RP1: variants seen among roughly 807,000 people sequenced by gnomAD.
The protein encoded by RP1 is oxygen-regulated protein 1.
In RP1, 16 loss-of-function variants were observed where a neutral mutation model predicts 14.8. The observed-to-expected ratio is 1.08, with a 90% confidence interval of 0.73 to 1.65. RP1 has a LOEUF of 1.65. Among genes scored for constraint, RP1 ranks in the 40% most tolerant of loss-of-function variants. The pLI, the probability that RP1 is intolerant of heterozygous loss-of-function variation, is 0.00. For synonymous variants in RP1, 876 were observed against 883.6 expected (o/e 0.99, Z 0.15); for missense variants, 2,631 against 2,535.0 (o/e 1.04, Z -0.81).
At chr8:54,689,958 A>C (rs1434317693) in intron 12 of RP1, among the ~76,000 whole-genome samples, 2 of 151,952 alleles carry the variant, frequency 1.3e-5, no homozygotes, top group African/African-American at 4.8e-5. Flanking sequence ...AGCTTCTTAA[A>C]TCTTCTTTGC....
downstream of RP1, among the ~76,000 whole-genome samples, chr8:54,633,340 C>G (rs1448038600): frequency 2.0e-5 from 3 of 152,100 alleles, no homozygotes; most frequent in African/African-American, 7.2e-5. Flanking sequence ...CTAATTCAAG[C>G]TGAAACTAAG....
intron 22 of RP1, among the ~76,000 whole-genome samples, chr8:54,768,208 C>T (rs1809812658): frequency 6.6e-6 from 1 of 152,214 alleles, no homozygotes; most frequent in African/African-American, 2.4e-5. Context: ...CCATCCTGAC[C>T]TACTTATTGT....
chr8:54,770,575 G>A (rs1025343400), downstream of RP1, among the ~76,000 whole-genome samples: 2 of 145,390 alleles, frequency 1.4e-5, no homozygotes, highest in African/African-American at 5.1e-5. Flanking sequence ...TTGAGATAAC[G>A]TAAAAGAAAT....
intron 27 of RP1, among the ~76,000 whole-genome samples, chr8:54,862,719 C>T (rs1251708368): frequency 6.6e-6 from 1 of 152,024 alleles, no homozygotes; most frequent in African/African-American, 2.4e-5. Flanking sequence ...CGGAAAGTCC[C>T]CTGCAACACT....
chr8:54,707,894 G>A (rs1483825267), intron 15 of RP1, among the ~76,000 whole-genome samples: 3 of 152,218 alleles, frequency 2.0e-5, no homozygotes, highest in Admixed American at 6.5e-5. Context: ...AGAAGAGGAA[G>A]CCAAGCTTAA....
Position 54,621,598 on chromosome 8 carries a change from C to G in RP1, c.615+17C>G. 1 of 1,613,932 alleles carries G rather than the reference C, an allele frequency of 6.2e-7. No homozygotes were observed. Among genetic ancestry groups the G allele is most frequent in the South Asian group, 1.1e-5 (1 of 91,064 alleles). On this transcript the variant is annotated intron_variant, in intron 2 of 3. Coordinates refer to ENST00000220676, the MANE Select transcript of RP1 (RefSeq NM_006269.2). ...GGAAGGAGGGTGAGCGTTCTGGGGG[C>G]TCCTCGAGCCTGAGCTCATTTTGAG...
At chr8:54,576,136 G>C (rs892804872) in intron 1 of RP1, among the ~76,000 whole-genome samples, 52 of 151,872 alleles carry the variant, frequency 3.4e-4, no homozygotes, top group Non-Finnish European at 5.7e-4. Flanking sequence ...CGCCTCCCAG[G>C]TTCACGCCAT....
At chr8:54,655,768 A>G (rs1456471487) in intron 5 of RP1, among the ~76,000 whole-genome samples, 1 of 152,170 alleles carries the variant, frequency 6.6e-6, no homozygotes, top group African/African-American at 2.4e-5. Flanking sequence ...CTGTAGTCCC[A>G]GCTACTCAGG....
At chr8:54,619,253 A>G (rs1271263534) in intron 1 of RP1, among the ~76,000 whole-genome samples, 1 of 152,174 alleles carries the variant, frequency 6.6e-6, no homozygotes, top group Admixed American at 6.5e-5. Flanking sequence ...TTTCTAAGTT[A>G]CATTTAAATA....
intron 16 of RP1, among the ~76,000 whole-genome samples, chr8:54,721,005 G>T (rs1156493318): frequency 1.3e-5 from 2 of 152,088 alleles, no homozygotes; most frequent in East Asian, 3.9e-4. Flanking sequence ...CTCAATATCT[G>T]TGTCATTTTC....
intron 23 of RP1, among the ~76,000 whole-genome samples, chr8:54,782,635 G>A (rs1810217412): frequency 6.6e-6 from 1 of 152,142 alleles, no homozygotes; most frequent in Admixed American, 6.6e-5. Flanking sequence ...TAACTGGCAG[G>A]ACTTTGTCCT....
chr8:54,767,507 G>A (rs1809790069), intron 22 of RP1, among the ~76,000 whole-genome samples: 1 of 151,968 alleles, frequency 6.6e-6, no homozygotes, highest in Non-Finnish European at 1.5e-5. Context: ...TTACAGGTGT[G>A]TGCCAACATG....
chr8:54,579,557 T>C (rs7005270), intron 1 of RP1, among the ~76,000 whole-genome samples: 46,675 of 152,014 alleles, frequency 0.31, 8,407 homozygotes, highest in Non-Finnish European at 0.41. Flanking sequence ...TTACATCCTG[T>C]GTCAGGGAGA....
At chr8:54,798,462 C>T (rs533080911) in intron 24 of RP1, among the ~76,000 whole-genome samples, 198 of 152,276 alleles carry the variant, frequency 1.3e-3, no homozygotes, top group African/African-American at 4.5e-3. Context: ...AACTGAAGTC[C>T]TCACATTGTC....
rs1810961781 is a variant in RP1, at chr8:54,810,379, A to ATGTAAATAGATT, written c.3615+26669_3615+26670insTGTAAATAGATT. Among the ~76,000 whole-genome samples the ATGTAAATAGATT allele has an allele frequency of 2.0e-5, 3 of 152,266 alleles. No individual in the cohort carries two copies. In the East Asian group the frequency reaches 5.8e-4, roughly 29 times the overall value. On this transcript the variant is annotated intron_variant, in intron 24 of 28. Transcript: ENST00000637698. Reference sequence around the variant, plus strand: ...ATTTCCTTACACATGGCAGGTGATCACTTTGTAAATAGATTTTTTAAGTCC... The same window carrying ATGTAAATAGATT: ...ATTTCCTTACACATGGCAGGTGATCATGTAAATAGATTCTTTGTAAATAGATTTTTTAAGTCC...
intron 24 of RP1, among the ~76,000 whole-genome samples, chr8:54,827,893 C>T (rs1215953027): frequency 3.7e-5 from 5 of 135,098 alleles, no homozygotes; most frequent in Admixed American, 7.1e-5. Flanking sequence ...AGCAAAACTA[C>T]GTCTCAAAAA....
chr8:54,838,123 T>C (rs1464338103), intron 25 of RP1, among the ~76,000 whole-genome samples: 1 of 152,236 alleles, frequency 6.6e-6, no homozygotes, highest in Admixed American at 6.5e-5. Context: ...TGACAATATA[T>C]ATCCAAGAAT....
At chr8:54,746,108 C>T (rs1015934700) in intron 19 of RP1, among the ~76,000 whole-genome samples, 3 of 152,180 alleles carry the variant, frequency 2.0e-5, no homozygotes, top group East Asian at 3.8e-4. Context: ...AATGATCAGC[C>T]ATTTATAGCC....
chr8:54,589,687 T>C (rs1805002503), intron 1 of RP1, among the ~76,000 whole-genome samples: 1 of 152,198 alleles, frequency 6.6e-6, no homozygotes, highest in Non-Finnish European at 1.5e-5. Context: ...ACATTGCTAA[T>C]TGGAGCTCAA....
Sources: gnomAD v4.1 joint callset for allele counts (sites outside exome capture counted in the v4.1 genomes callset) on GRCh38, gnomAD v4.1.1 for gene constraint, MANE v1.5 for transcripts, NCBI Gene and HGNC (gene_info 2026-07-23, HGNC 2026-07-21) for gene names.